PTOV1: variants seen among roughly 807,000 people sequenced by gnomAD.
PTOV1 encodes the protein PTOV1 extended AT-hook containing adaptor protein.
Under a neutral mutation model 58.0 loss-of-function variants are expected in PTOV1, and 20 were observed. The ratio of observed to expected loss-of-function variants is 0.34; its 90% CI spans 0.24 to 0.50. The LOEUF (loss-of-function observed/expected upper bound fraction) is 0.50, where lower values mean the gene tolerates loss of function less well. PTOV1 is among the 20% of genes least tolerant of loss of function. The pLI is 0.98. For missense variants in PTOV1, 593 were observed against 565.4 expected, an observed-to-expected ratio of 1.05 and a Z score of -0.50; for synonymous variants, 335 against 234.2, an observed-to-expected ratio of 1.43 and a Z score of -3.93.
At chr19:49,859,209 C>T (rs999837014) in intron 10 of PTOV1, 6 of 153,040 alleles carry the variant, frequency 3.9e-5, no homozygotes, top group Non-Finnish European at 8.7e-5. Flanking sequence ...AAATTACCTT[C>T]GACTCAGTCT....
At chr19:49,856,841 C>A in intron 5 of PTOV1, 134 bp from the exon 6 acceptor site, 3 of 1,076,866 alleles carry the variant, frequency 2.8e-6, no homozygotes, top group Non-Finnish European at 4.0e-6. Flanking sequence ...TCACCTATGG[C>A]CATGGCCTTG....
At chr19:49,858,386 C>CG (rs1266097694) in intron 9 of PTOV1, 163 bp from the exon 10 acceptor site, 1 of 691,940 alleles carries the variant, frequency 1.4e-6, no homozygotes, top group Non-Finnish European at 2.4e-6. Flanking sequence ...GCTTCCACAG[C>CG]ACTCCAGGGT....
At chr19:49,855,051 C>T in exon 5 of PTOV1, 1 of 1,597,564 alleles carries the variant, frequency 6.3e-7, no homozygotes, top group East Asian at 2.3e-5. Flanking sequence ...GCTCAAGGGG[C>T]TCTGCCGCAT....
At chr19:49,851,730 G>T in intron 1 of PTOV1, 1 of 1,117,340 alleles carries the variant, frequency 8.9e-7, no homozygotes. Flanking sequence ...CGGGGGCGGG[G>T]CGGGCTCATA....
intron 1 of PTOV1, chr19:49,853,290 C>T (rs935006736): frequency 2.0e-5 from 3 of 152,204 alleles, no homozygotes; most frequent in African/African-American, 7.2e-5. Context: ...GGGAAACTCT[C>T]GTGGGTTTCC....
exon 1 of PTOV1, chr19:49,851,478 G>C (rs904934092): frequency 2.2e-4 from 274 of 1,220,550 alleles, no homozygotes; most frequent in Admixed American, 4.3e-4. Flanking sequence ...CGCGGATCCG[G>C]GCCCGCTCGG....
exon 6 of PTOV1, chr19:49,857,044 A>G (rs781293124): frequency 1.2e-6 from 2 of 1,613,994 alleles, no homozygotes; most frequent in Admixed American, 3.3e-5. Context: ...GTACTCGTCC[A>G]AGAAGAAGAT....
intron 10 of PTOV1, 86 bp from the exon 11 acceptor site, chr19:49,859,900 C>T (rs2074673289): frequency 6.9e-7 from 1 of 1,446,994 alleles, no homozygotes; most frequent in African/African-American, 1.4e-5. Context: ...GTGCCTGGCT[C>T]ATGGAGCCCA....
At chr19:49,850,783 C>A, upstream of PTOV1, 1 of 1,438,606 alleles carries the variant, frequency 7.0e-7, no homozygotes, top group Non-Finnish European at 9.4e-7. Flanking sequence ...GGTTCCCTTT[C>A]AGTGGGTTCC....
At chr19:49,851,608 T>G in intron 1 of PTOV1, 109 bp downstream of exon 1, 4 of 975,258 alleles carry the variant, frequency 4.1e-6, no homozygotes, top group Non-Finnish European at 2.5e-6. Flanking sequence ...GTGTCCCCTG[T>G]GGCCCGAAGG....
intron 1 of PTOV1, chr19:49,852,835 C>T (rs1358667177): frequency 6.6e-6 from 1 of 152,246 alleles, no homozygotes; most frequent in Non-Finnish European, 1.5e-5. Context: ...GTCCCAGCGC[C>T]ATAAACAACT....
chr19:49,851,299 A>C, exon 1 of PTOV1: 1 of 1,033,858 alleles, frequency 9.7e-7, no homozygotes, highest in Non-Finnish European at 1.1e-6. Context: ...GGCCCGCGGC[A>C]GCTCCCCGCC....
At chr19:49,851,218 A>C in exon 1 of PTOV1, 2 of 1,164,954 alleles carry the variant, frequency 1.7e-6, no homozygotes, top group Non-Finnish European at 2.1e-6. Flanking sequence ...GGTACGGCTC[A>C]GCCCGTCTCC....
chr19:49,858,584 G>A, exon 10 of PTOV1: 1 of 1,606,050 alleles, frequency 6.2e-7, no homozygotes, highest in Non-Finnish European at 8.5e-7. Context: ...ACTCGCGCCT[G>A]GTCCAGTTCC....
In PTOV1 at chr19:49,851,509, C is replaced by T; in HGVS notation, c.171+10C>T. On this transcript the variant is annotated intron_variant, in intron 1 of 11. Transcript: ENST00000391842. ...CTCGGCCCCTCCCATGGTGAGCCCC[C>T]CGCCCTTTTTCCAGAGCCTTCCACG... The T allele has an allele frequency of 8.3e-7, 1 of 1,208,618 alleles. No homozygotes were observed. The highest frequency in any genetic ancestry group is 1.0e-6 in the Non-Finnish European group (1 of 970,720). 74.9% of individuals were successfully genotyped at this position (1,208,618 alleles called of 1,614,324 possible). A position where few individuals can be genotyped will look rare whatever the true frequency, so the allele number is the denominator to read the frequency against.
chr19:49,851,934 G>C (rs2058514234), intron 1 of PTOV1: 2 of 853,250 alleles, frequency 2.3e-6, no homozygotes, highest in South Asian at 5.9e-5. Context: ...TGTCGCACCC[G>C]TGGGCGTTCT....
chr19:49,857,697 T>C (rs1389397623), exon 7 of PTOV1: 1 of 1,613,896 alleles, frequency 6.2e-7, no homozygotes, highest in South Asian at 1.1e-5. Flanking sequence ...CAACAGGCAG[T>C]GGGACCTGGT....
At chr19:49,851,824 G>GGA in intron 1 of PTOV1, 4 of 1,004,792 alleles carry the variant, frequency 4.0e-6, no homozygotes, top group Non-Finnish European at 4.7e-6. Flanking sequence ...TTTTCCTATT[G>GGA]GAGAGTTGCT....
rs1568640129 is a variant in PTOV1 at position 49,854,642 on chromosome 19, G to T, written c.310-10G>T. 3.1e-6 allele frequency: 5 copies of T among 1,613,232 alleles called. No individual in the cohort carries two copies. In the Admixed American group the frequency reaches 8.3e-5, roughly 27 times the overall value. On this transcript the variant is annotated splice_polypyrimidine_tract_variant and intron_variant, in intron 2 of 11. Transcript: ENST00000391842. ...GGCTGTGCACAGTGACGCCCCTCCT[G>T]CCCCCACAGAAGCGCAGACCCTACT...
Sources: allele counts gnomAD v4.1 joint callset, GRCh38; gene constraint gnomAD v4.1.1; transcripts MANE v1.5; gene names NCBI Gene and HGNC (gene_info 2026-07-23, HGNC 2026-07-21).